FAM171A2: variants seen among roughly 807,000 people sequenced by gnomAD.
The protein encoded by FAM171A2 is protein FAM171A2.
FAM171A2 carries 13 observed loss-of-function variants against 34.2 expected under a neutral mutation model. That is an observed-to-expected ratio of 0.38 (90% CI 0.25 to 0.60). The LOEUF (loss-of-function observed/expected upper bound fraction) is 0.60, where lower values mean the gene tolerates loss of function less well. Among genes scored for constraint, FAM171A2 ranks in the 20% least tolerant of loss-of-function variants. FAM171A2 has a pLI of 0.62. For missense variants in FAM171A2, 950 were observed against 1,180.7 expected (o/e 0.80, Z 2.86); for synonymous variants, 475 against 561.2 (o/e 0.85, Z 2.17).
chr17:44,359,539 G>C (rs2048439089), intron 3 of FAM171A2, 40 bp downstream of exon 3: 20 of 1,517,706 alleles, frequency 1.3e-5, no homozygotes, highest in Non-Finnish European at 1.5e-5. Flanking sequence ...CTAGGTCAGG[G>C]GAAGGAAGAA....
At position 44,363,591 on chromosome 17, in the gene FAM171A2, ACT is replaced by A; in HGVS notation, c.118+4_118+5del. The A allele has an allele frequency of 8.2e-7, 1 of 1,220,694 alleles. No individual in the cohort carries two copies. Among genetic ancestry groups the A allele is most frequent in the Non-Finnish European group, 1.0e-6 (1 of 978,204 alleles). 75.6% of individuals were successfully genotyped at this position (1,220,694 alleles called of 1,614,324 possible). A position where few individuals can be genotyped will look rare whatever the true frequency, so the allele number is the denominator to read the frequency against. ...GCGATCGCGGCCCCTCCCGGCTGAGACTCACCCTGCGGGCTGGGGGGCTCCGG... is the reference window on the plus strand; with the variant it reads ...GCGATCGCGGCCCCTCCCGGCTGAGACACCCTGCGGGCTGGGGGGCTCCGG... On this transcript the variant is annotated splice_donor_5th_base_variant and intron_variant, in intron 1 of 7. Transcript: ENST00000293443.
At chr17:44,357,176 T>G (rs2048427738) in intron 3 of FAM171A2, among the ~76,000 whole-genome samples, 1 of 151,840 alleles carries the variant, frequency 6.6e-6, no homozygotes, top group African/African-American at 2.4e-5. Flanking sequence ...GGAGAAACCC[T>G]GACTCTCTTA....
Position 44,362,093 on chromosome 17 carries a change from C to T in FAM171A2, c.118+1504G>A, listed in dbSNP as rs371930015. On this transcript the variant is annotated intron_variant, in intron 1 of 7. Coordinates refer to ENST00000293443, the MANE Select transcript of FAM171A2 (RefSeq NM_198475.3). ...CTGGTAAGGATCTGTGCCAACCTTG[C>T]GGGTGGGGGAGAAGGGAGGGGGCAG... Among the ~76,000 whole-genome samples, 9 of 139,984 alleles carry T rather than the reference C, an allele frequency of 6.4e-5. No individual in the cohort carries two copies. In the East Asian group the frequency reaches 1.5e-3, roughly 24 times the overall value. The allele number at this position is 139,984 out of a possible 152,430, so 91.8% of individuals were successfully genotyped here.
Position 44,353,970 on chromosome 17 carries a change from C to T in FAM171A2, c.2244G>A (p.Ser748=), listed in dbSNP as rs1417737513. Residue 748 remains serine (S), a synonymous_variant, in exon 8 of 8, where the codon TCG becomes TCA. Transcript: ENST00000293443. ...CCACCTCGTCCAGCAGCGGCGTCAG[C>T]GAGTTGTCCTCCGGAGAGCAGAGGC... ...RTGLCSPEDN[S]LTPLLDEVAA... is the part of the protein sequence containing the mutation. The T allele has an allele frequency of 2.3e-6, 3 of 1,291,542 alleles. No homozygotes were observed. Among genetic ancestry groups the T allele is most frequent in the South Asian group, 2.2e-5 (1 of 44,612 alleles). The allele number at this position is 1,291,542 out of a possible 1,614,324, so 80.0% of individuals were successfully genotyped here. A position where few individuals can be genotyped will look rare whatever the true frequency, so the allele number is the denominator to read the frequency against.
At chr17:44,357,912 T>C (rs922959503) in intron 3 of FAM171A2, among the ~76,000 whole-genome samples, 2 of 152,242 alleles carry the variant, frequency 1.3e-5, no homozygotes, top group Non-Finnish European at 2.9e-5. Flanking sequence ...AGGTATCTAT[T>C]ATCAACCTCA....
intron 3 of FAM171A2, 64 bp from the exon 4 acceptor site, chr17:44,356,652 A>G (rs1425981415): frequency 6.8e-7 from 1 of 1,461,292 alleles, no homozygotes; most frequent in East Asian, 2.5e-5. Flanking sequence ...ACCAGAGCAG[A>G]AACCCATTAT....
chr17:44,357,682 C>T (rs1482485387), intron 3 of FAM171A2, among the ~76,000 whole-genome samples: 1 of 149,896 alleles, frequency 6.7e-6, no homozygotes. Flanking sequence ...ATTTAATTTA[C>T]TTCAATTTAA....
chr17:44,357,730 CGTGTGTGT>C (rs141824631), intron 3 of FAM171A2, among the ~76,000 whole-genome samples: 5 of 143,266 alleles, frequency 3.5e-5, no homozygotes, highest in East Asian at 2.0e-4. Context: ...CAGTTTAGGT[CGTGTGTGT>C]GTGTGTGTGT....
chr17:44,361,447 G>C (rs1218699091), intron 1 of FAM171A2, among the ~76,000 whole-genome samples: 1 of 152,214 alleles, frequency 6.6e-6, no homozygotes, highest in Non-Finnish European at 1.5e-5. Context: ...AGCAGGGCCT[G>C]GGGAGGTCAG....
chr17:44,355,853 G>A lies in FAM171A2; in HGVS notation c.896-12C>T, dbSNP rs1193102151. 20 of 1,551,474 alleles carry A rather than the reference G, an allele frequency of 1.3e-5. No individual in the cohort carries two copies. The highest frequency in any genetic ancestry group is 1.5e-5 in the Non-Finnish European group (17 of 1,146,982). ...GATGGTGACCAGCCCTGTGCCAGGC[G>A]AGGGCTTAGCGTTCAGGTGTAGACA... On this transcript the variant is annotated splice_polypyrimidine_tract_variant and intron_variant, in intron 6 of 7. Transcript: ENST00000293443. This position sits in a 1 kb window ranked among gnomAD's most constrained non-coding sequence, Gnocchi z 4.1.
At position 44,354,477 on chromosome 17, in the gene FAM171A2, G is replaced by C. The variant is rs990989914; in HGVS notation, c.1737C>G (p.Pro579=). Residue 579 remains proline, a synonymous_variant, in exon 8 of 8, where the codon CCC becomes CCG. Coordinates refer to ENST00000293443, the MANE Select transcript of FAM171A2 (RefSeq NM_198475.3). This position sits in a 1 kb window ranked among gnomAD's most constrained non-coding sequence, Gnocchi z 5.8. ...CCGGCATCTGCGGGCGCTGGGGGTC[G>C]GGCTGGGGAAAAGCGCGCGCCGGGC... ...APGPARAFPQ[P]DPQRPQMPGH... is the part of the protein sequence containing the mutation. 5 of 1,079,072 alleles carry C rather than the reference G, an allele frequency of 4.6e-6. No homozygotes were observed. The African/African-American group carries it at 8.5e-5, about 18-fold the overall frequency. 66.8% of individuals were successfully genotyped at this position (1,079,072 alleles called of 1,614,324 possible).
chr17:44,356,782 C>T (rs1237483316), intron 3 of FAM171A2, among the ~76,000 whole-genome samples, 194 bp from the exon 4 acceptor site: 1 of 152,222 alleles, frequency 6.6e-6, no homozygotes, highest in Non-Finnish European at 1.5e-5. Context: ...CCTGAAATCT[C>T]TGTGTGACCC....
chr17:44,363,830 C>G lies in FAM171A2; in HGVS notation c.-116G>C, dbSNP rs890379263. On this transcript the variant is annotated 5_prime_UTR_variant, in exon 1 of 8. Coordinates refer to ENST00000293443, the MANE Select transcript of FAM171A2 (RefSeq NM_198475.3). Reference sequence around the variant, plus strand: ...GCAGCTCCGGCTCCCGCTCCCGCTGCGGCGCCCGCTCAGCGCGATTGTCTC... The same window carrying G: ...GCAGCTCCGGCTCCCGCTCCCGCTGGGGCGCCCGCTCAGCGCGATTGTCTC... The G allele has an allele frequency of 2.6e-5, 10 of 389,756 alleles. No individual in the cohort carries two copies. The highest frequency in any genetic ancestry group is 4.0e-5 in the Non-Finnish European group (10 of 249,704). 24.1% of individuals were successfully genotyped at this position (389,756 alleles called of 1,614,324 possible).
chr17:44,361,181 G>A (rs759381249), intron 1 of FAM171A2, among the ~76,000 whole-genome samples: 6 of 152,248 alleles, frequency 3.9e-5, no homozygotes, highest in Admixed American at 6.5e-5. Context: ...CTCAGATGGC[G>A]TGATGGGAAG....
In FAM171A2 at chr17:44,355,328, G is replaced by A. The variant is rs369985866; in HGVS notation, c.1023-137C>T. On this transcript the variant is annotated intron_variant, in intron 7 of 7. Coordinates refer to ENST00000293443, the MANE Select transcript of FAM171A2 (RefSeq NM_198475.3). The surrounding 1 kb of genome is among the most constrained non-coding windows in gnomAD (Gnocchi z 4.1). ...AATGCCTGGGGCGCTCAGGAGAGATGGCGGGGAGCCGCCGTGTCCGTTTGG... is the reference window on the plus strand; with the variant it reads ...AATGCCTGGGGCGCTCAGGAGAGATAGCGGGGAGCCGCCGTGTCCGTTTGG... 1 of 1,412,830 alleles carries A rather than the reference G, an allele frequency of 7.1e-7. No individual in the cohort carries two copies. Among genetic ancestry groups the A allele is most frequent in the Non-Finnish European group, 9.3e-7 (1 of 1,072,804 alleles). The allele number at this position is 1,412,830 out of a possible 1,614,324, so 87.5% of individuals were successfully genotyped here. A position where few individuals can be genotyped will look rare whatever the true frequency, so the allele number is the denominator to read the frequency against.
chr17:44,359,858 T>G, intron 2 of FAM171A2, 47 bp downstream of exon 2: 2 of 1,486,690 alleles, frequency 1.3e-6, no homozygotes, highest in Non-Finnish European at 1.8e-6. Flanking sequence ...AAGGGGCTGA[T>G]GGAGGGTCAG....
At chr17:44,356,387 C>G (rs1369581334) in intron 4 of FAM171A2, 35 bp from the exon 5 acceptor site, 1 of 1,546,414 alleles carries the variant, frequency 6.5e-7, no homozygotes, top group East Asian at 2.5e-5. Flanking sequence ...AGGGCTGATC[C>G]TGAGCCTGGG....
Position 44,353,823 on chromosome 17 carries a change from C to A in FAM171A2, c.2391G>T (p.Leu797=). 7.0e-7 allele frequency: 1 copy of A among 1,423,712 alleles called. No homozygotes were observed. The allele number at this position is 1,423,712 out of a possible 1,614,324, so 88.2% of individuals were successfully genotyped here. A position where few individuals can be genotyped will look rare whatever the true frequency, so the allele number is the denominator to read the frequency against. ...CCGCCTCGTCGCCCACCTCCGCCCC[C>A]AGCTCGTCCTCCGGGCTGGTGAGCG... ...RDSLTSPEDE[L]GAEVGDEAGD... Residue 797 remains leucine (L), a synonymous_variant, in exon 8 of 8, where the codon CTG becomes CTT. Transcript: ENST00000293443.
At position 44,356,662 on chromosome 17, in the gene FAM171A2, T is replaced by C. The variant is rs2048425594; in HGVS notation, c.440-74A>G. 46 of 1,442,394 alleles carry C rather than the reference T, an allele frequency of 3.2e-5. No individual in the cohort carries two copies. The South Asian group carries it at 6.3e-4, about 20-fold the overall frequency. 89.3% of individuals were successfully genotyped at this position (1,442,394 alleles called of 1,614,324 possible). A position where few individuals can be genotyped will look rare whatever the true frequency, so the allele number is the denominator to read the frequency against. On this transcript the variant is annotated intron_variant, in intron 3 of 7. Coordinates refer to ENST00000293443, the MANE Select transcript of FAM171A2 (RefSeq NM_198475.3). ...CAGGGACCAGAGCAGAAACCCATTA[T>C]CTAAGGAAAAGGGGGACATGAGGTC...
Sources: allele counts gnomAD v4.1 joint callset (sites outside exome capture counted in the v4.1 genomes callset), GRCh38; gene constraint gnomAD v4.1.1; non-coding constraint Gnocchi (gnomAD v3.1); transcripts MANE v1.5; gene names NCBI Gene and HGNC (gene_info 2026-07-23, HGNC 2026-07-21).